Variants in CCSAP observed in about 807,000 individuals in gnomAD.
CCSAP encodes the protein centriole, cilia and spindle-associated protein.
Under a neutral mutation model 25.9 loss-of-function variants are expected in CCSAP, and 17 were observed. The observed-to-expected ratio is 0.66, with a 90% CI of 0.45 to 0.99. The LOEUF (loss-of-function observed/expected upper bound fraction) is 0.99, where lower values mean the gene tolerates loss of function less well. Ranked by LOEUF, CCSAP falls within the 50% of genes least tolerant of loss-of-function variation. The probability of loss-of-function intolerance (pLI) is 0.00; values close to 1 mark genes in which losing one functional copy is unlikely to be tolerated. For missense variants in CCSAP, 339 were observed against 367.8 expected (o/e 0.92, Z 0.64); for synonymous variants, 169 against 157.1 (o/e 1.08, Z -0.57).
chr1:229,337,981 G>C (rs2379990), intron 2 of CCSAP, among the ~76,000 whole-genome samples: 2,433 of 151,872 alleles, frequency 0.016, 48 homozygotes, highest in East Asian at 0.08. Flanking sequence ...ATCAATTTCA[G>C]GAAAACCATA....
At chr1:229,335,287 C>T (rs1658170779) in intron 2 of CCSAP, among the ~76,000 whole-genome samples, 1 of 152,152 alleles carries the variant, frequency 6.6e-6, no homozygotes, top group South Asian at 2.1e-4. Flanking sequence ...CCATTGCACT[C>T]TAGCCTAGGC....
At position 229,325,086 on chromosome 1, in the gene CCSAP, A is replaced by G. The variant is rs974156426; in HGVS notation, c.*149T>C. On this transcript the variant is annotated 3_prime_UTR_variant, in exon 4 of 4. Transcript: ENST00000284617. ...GTAGGTGACCAATATTCATCAAAAT[A>G]AAACAATCTTTTACAAATTCCCTAA... 8.1e-6 allele frequency: 6 copies of G among 736,868 alleles called. No individual in the cohort carries two copies. The African/African-American group carries it at 8.8e-5, about 11-fold the overall frequency. 45.6% of individuals were successfully genotyped at this position (736,868 alleles called of 1,614,324 possible).
rs573619845 is a variant in CCSAP at position 229,327,587 on chromosome 1, C to T, written c.368-581G>A. The T allele has an allele frequency of 7.3e-4, 332 of 455,958 alleles. 2 individuals carry two copies. The highest frequency in any genetic ancestry group is 1.1e-3 in the Non-Finnish European group (256 of 226,912). 28.2% of individuals were successfully genotyped at this position (455,958 alleles called of 1,614,324 possible). A position where few individuals can be genotyped will look rare whatever the true frequency, so the allele number is the denominator to read the frequency against. ...TGGGAAGAGTTAAAAATGAGGGCCC[C>T]GGCCGGGTGCGGTGGCTCACACCTG... On this transcript the variant is annotated intron_variant, in intron 2 of 3. Transcript: ENST00000284617.
chr1:229,333,431 G>GAAAAAA (rs368401348), intron 2 of CCSAP, among the ~76,000 whole-genome samples: 4 of 70,474 alleles, frequency 5.7e-5, no homozygotes, highest in African/African-American at 1.6e-4. Context: ...AGACTCCATC[G>GAAAAAA]AAAAAAAAAA....
At chr1:229,333,419 C>G (rs1475189084) in intron 2 of CCSAP, among the ~76,000 whole-genome samples, 12 of 115,886 alleles carry the variant, frequency 1.0e-4, no homozygotes, top group Admixed American at 3.7e-4. Flanking sequence ...GGCGACAGAG[C>G]GAGACTCCAT....
chr1:229,333,349 C>T (rs1441485879), intron 2 of CCSAP, among the ~76,000 whole-genome samples: 2 of 144,228 alleles, frequency 1.4e-5, no homozygotes, highest in African/African-American at 5.1e-5. Context: ...AGGAGAATGG[C>T]GTGAACCCGG....
chr1:229,335,558 C>A (rs7524491), intron 2 of CCSAP, among the ~76,000 whole-genome samples: 1 of 152,004 alleles, frequency 6.6e-6, no homozygotes, highest in South Asian at 2.1e-4. Flanking sequence ...AATAACTTCC[C>A]CAGTGAAGGT....
chr1:229,325,193 C>A lies in CCSAP; in HGVS notation c.*42G>T. 6.5e-7 allele frequency: 1 copy of A among 1,528,888 alleles called. No homozygotes were observed. Among genetic ancestry groups the A allele is most frequent in the South Asian group, 1.3e-5 (1 of 78,106 alleles). 94.7% of individuals were successfully genotyped at this position (1,528,888 alleles called of 1,614,324 possible). On this transcript the variant is annotated 3_prime_UTR_variant, in exon 4 of 4. Transcript: ENST00000284617. ...TTTTTGTTTTGTTTTTCCTTTCAGT[C>A]ATTTACACTTTTTAAAAGAGGCTGT...
intron 2 of CCSAP, 116 bp from the exon 3 acceptor site, chr1:229,327,122 C>A: frequency 1.2e-6 from 1 of 811,760 alleles, no homozygotes; most frequent in Non-Finnish European, 1.8e-6. Flanking sequence ...ACTTATGGCT[C>A]AACTCATACG....
At chr1:229,339,518 C>CAAG (rs1658281138) in intron 2 of CCSAP, among the ~76,000 whole-genome samples, 1 of 152,134 alleles carries the variant, frequency 6.6e-6, no homozygotes, top group South Asian at 2.1e-4. Context: ...TGTGCTCCAC[C>CAAG]AAGAAGGGGT....
At chr1:229,340,462 T>C (rs199864876) in intron 2 of CCSAP, 2 of 715,200 alleles carry the variant, frequency 2.8e-6, no homozygotes, top group South Asian at 3.0e-5. Flanking sequence ...GTATTTATAT[T>C]GCATGCAAAT....
At position 229,342,283 on chromosome 1, in the gene CCSAP, C is replaced by T. The variant is rs1658355134; in HGVS notation, c.183G>A (p.Ser61=). 9 of 1,374,398 alleles carry T rather than the reference C, an allele frequency of 6.5e-6. No individual in the cohort carries two copies. The highest frequency in any genetic ancestry group is 1.5e-5 in the African/African-American group (1 of 67,000). 85.1% of individuals were successfully genotyped at this position (1,374,398 alleles called of 1,614,324 possible). A position where few individuals can be genotyped will look rare whatever the true frequency, so the allele number is the denominator to read the frequency against. ...CGGCGCCCGACGACTCTGACGACGC[C>T]GAGTCCTCCGAGGAGCCGGCCGGGC... The part of the protein sequence containing the change: ...DWGPAGSSED[S]ASSESSGAGG... The change falls in exon 2 of 4, where the codon TCG becomes TCA. Residue 61 remains serine, a synonymous_variant. Coordinates refer to ENST00000284617, the MANE Select transcript of CCSAP (RefSeq NM_145257.5). The surrounding 1 kb of genome is among the most constrained non-coding windows in gnomAD (Gnocchi z 7.5).
intron 2 of CCSAP, chr1:229,340,702 C>T: frequency 2.7e-6 from 1 of 374,278 alleles, no homozygotes; most frequent in Non-Finnish European, 4.8e-6. Flanking sequence ...GCAGCCCTGC[C>T]TCCGATGATG....
chr1:229,329,164 GA>G (rs1467074959), intron 2 of CCSAP, among the ~76,000 whole-genome samples: 1 of 152,206 alleles, frequency 6.6e-6, no homozygotes, highest in Non-Finnish European at 1.5e-5. Context: ...CTGAGAGAGA[GA>G]AAAAAGCAGC....
intron 2 of CCSAP, among the ~76,000 whole-genome samples, chr1:229,338,524 C>T (rs1414133048): frequency 6.8e-6 from 1 of 146,256 alleles, no homozygotes; most frequent in Non-Finnish European, 1.5e-5. Flanking sequence ...CAAGCACTTC[C>T]ACCCCCAAAC....
chr1:229,342,049 C>A lies in CCSAP; in HGVS notation c.367+50G>T, dbSNP rs1658344850. 3 of 1,293,604 alleles carry A rather than the reference C, an allele frequency of 2.3e-6. No individual in the cohort carries two copies. The African/African-American group carries it at 4.6e-5, about 20-fold the overall frequency. The allele number at this position is 1,293,604 out of a possible 1,614,324, so 80.1% of individuals were successfully genotyped here. Reference sequence around the variant, plus strand: ...GAGATCAGCTGCTCAGAGCTTAGAGCAAACCGTCCCTGCGTGCAGGCCCCT... The same window carrying A: ...GAGATCAGCTGCTCAGAGCTTAGAGAAAACCGTCCCTGCGTGCAGGCCCCT... On this transcript the variant is annotated intron_variant, in intron 2 of 3. Transcript: ENST00000284617. The surrounding 1 kb of genome is among the most constrained non-coding windows in gnomAD (Gnocchi z 7.5).
intron 2 of CCSAP, 102 bp downstream of exon 2, chr1:229,341,997 G>T: frequency 1.6e-6 from 2 of 1,222,280 alleles, no homozygotes; most frequent in South Asian, 4.1e-5. Context: ...AAAAGGAAGA[G>T]CCAGCCCCGA....
chr1:229,326,760 C>T lies in CCSAP; in HGVS notation c.614G>A (p.Cys205Tyr). 3.7e-6 allele frequency: 6 copies of T among 1,614,244 alleles called. No homozygotes were observed. Among genetic ancestry groups the T allele is most frequent in the Non-Finnish European group, 4.2e-6 (5 of 1,180,046 alleles). Residue 205 changes from cysteine (C) to tyrosine (Y), a missense_variant, in exon 3 of 4, where the codon TGT (cysteine) becomes TAT (tyrosine). Cys to Tyr is a radical substitution (Grantham distance 194). Transcript: ENST00000284617. ...DTGSQKTHNV[C>Y]ASAPVHEIHE... is the part of the protein sequence containing the mutation. ...CACCTCGTGCACAGGAGCGGACGCA[C>T]AGACGTTGTGAGTCTTCTGGCTTCC... is the stretch of plus-strand genomic sequence containing the variant.
At chr1:229,329,744 A>G (rs575958115) in intron 2 of CCSAP, among the ~76,000 whole-genome samples, 6 of 152,272 alleles carry the variant, frequency 3.9e-5, no homozygotes, top group African/African-American at 1.4e-4. Flanking sequence ...TAATCCCAGC[A>G]CTTTGGGAGG....
Sources: allele counts gnomAD v4.1 joint callset (sites outside exome capture counted in the v4.1 genomes callset), GRCh38; gene constraint gnomAD v4.1.1; non-coding constraint Gnocchi (gnomAD v3.1); transcripts MANE v1.5; gene names NCBI Gene and HGNC (gene_info 2026-07-23, HGNC 2026-07-21).